The following PTPRM variants were observed in gnomAD, a reference collection of about 807,000 sequenced individuals.
The protein encoded by PTPRM is protein tyrosine phosphatase receptor type M.
PTPRM carries 47 observed loss-of-function variants against 186.7 expected under a neutral mutation model. The ratio of observed to expected loss-of-function variants is 0.25; its 90% CI spans 0.20 to 0.32. The LOEUF (loss-of-function observed/expected upper bound fraction) is 0.32. PTPRM is among the 10% of genes least tolerant of loss of function. PTPRM has a pLI of 1.00. For missense variants in PTPRM, 1,494 were observed against 1,865.0 expected, an observed-to-expected ratio of 0.80 and a Z score of 3.66; for synonymous variants, 668 against 674.9, an observed-to-expected ratio of 0.99 and a Z score of 0.16.
intron 1 of PTPRM, among the ~76,000 whole-genome samples, chr18:7,756,729 G>T (rs929460344): frequency 6.6e-6 from 1 of 152,154 alleles, no homozygotes; most frequent in Non-Finnish European, 1.5e-5. Flanking sequence ...GCCTCTTAGG[G>T]GTTGGGAAAC....
intron 14 of PTPRM, among the ~76,000 whole-genome samples, chr18:8,231,531 C>A (rs1211775239): frequency 6.6e-6 from 1 of 152,130 alleles, no homozygotes; most frequent in Non-Finnish European, 1.5e-5. Context: ...GTGATTCATA[C>A]CCATCATAAA....
chr18:7,634,867 A>T (rs889864889), intron 1 of PTPRM, among the ~76,000 whole-genome samples: 3 of 152,230 alleles, frequency 2.0e-5, no homozygotes. Flanking sequence ...AATTATTTAC[A>T]TGAACAAGAA....
intron 5 of PTPRM, among the ~76,000 whole-genome samples, chr18:7,928,405 C>T (rs777399986): frequency 6.6e-6 from 1 of 152,104 alleles, no homozygotes; most frequent in Admixed American, 6.6e-5. Context: ...AACCTACATC[C>T]CAATTGTTTT....
chr18:7,745,545 T>A (rs1255616329), intron 1 of PTPRM, among the ~76,000 whole-genome samples: 1 of 152,154 alleles, frequency 6.6e-6, no homozygotes, highest in Admixed American at 6.5e-5. Context: ...AAAGGCCACA[T>A]CTTAGGTGTT....
At chr18:8,400,450 C>T (rs2095866165) in intron 32 of PTPRM, among the ~76,000 whole-genome samples, 1 of 152,238 alleles carries the variant, frequency 6.6e-6, no homozygotes, top group South Asian at 2.1e-4. Context: ...TACCAGTGCA[C>T]AGGCCTGCCC....
chr18:8,332,229 A>C (rs2095415657), intron 22 of PTPRM, among the ~76,000 whole-genome samples: 2 of 152,234 alleles, frequency 1.3e-5, no homozygotes, highest in African/African-American at 4.8e-5. Flanking sequence ...TAAATGATTA[A>C]AAGAAAAGAT....
rs143759225 is a variant in PTPRM at position 8,391,403 on chromosome 18, C to A, written c.4209-3073C>A. On this transcript the variant is annotated intron_variant, in intron 31 of 32. Coordinates refer to ENST00000580170, the MANE Select transcript of PTPRM (RefSeq NM_001105244.2). ...TGGGTATTCATTCAGTGGAATTCTT[C>A]TTAGCAATATAAAACAATAAACTAC... Among the ~76,000 whole-genome samples, 524 of 152,328 alleles carry A rather than the reference C, an allele frequency of 3.4e-3. 4 individuals carry two copies. Among genetic ancestry groups the A allele is most frequent in the African/African-American group, 0.011 (476 of 41,578 alleles).
In PTPRM at chr18:8,044,829, A is replaced by C. The variant is rs1225971076; in HGVS notation, c.1133-24857A>C. ...GAGATACAACTTTATACCCACTAGG[A>C]TTTCTATAAAAAAATATGGAAAATA... is the stretch of plus-strand genomic sequence containing the variant. On this transcript the variant is annotated intron_variant, in intron 7 of 32. Transcript: ENST00000580170. Among the ~76,000 whole-genome samples, 3 of 152,096 alleles carry C rather than the reference A, an allele frequency of 2.0e-5. No homozygotes were observed. The South Asian group carries it at 6.2e-4, about 32-fold the overall frequency.
chr18:8,281,880 C>T (rs2094907584), intron 19 of PTPRM, among the ~76,000 whole-genome samples: 1 of 151,708 alleles, frequency 6.6e-6, no homozygotes, highest in African/African-American at 2.4e-5. Context: ...TTTTCAGGAC[C>T]CAAGGCTTGG....
At chr18:7,979,824 C>G (rs1229783325) in intron 7 of PTPRM, among the ~76,000 whole-genome samples, 1 of 152,182 alleles carries the variant, frequency 6.6e-6, no homozygotes, top group African/African-American at 2.4e-5. Context: ...ACAGGCTGCA[C>G]TGGCATTTCC....
intron 23 of PTPRM, among the ~76,000 whole-genome samples, chr18:8,352,652 G>GTTTTTTTTT (rs142090056): frequency 1.2e-4 from 12 of 102,232 alleles, no homozygotes; most frequent in East Asian, 5.0e-4. Context: ...TTTTTGGTTT[G>GTTTTTTTTT]GTTTTTTTTG....
rs1484487117 is a variant in PTPRM at position 7,774,259 on chromosome 18, T to G, written c.184T>G (p.Trp62Gly). Reference protein sequence around the residue: ...NTLTKPTSDPWMPSGSFMLVN... With the variant: ...NTLTKPTSDPGMPSGSFMLVN... ...CTTGACTAAACCGACTTCTGATCCA[T>G]GGATGCCATCAGGTTTGCTTTTAGT... Residue 62 changes from tryptophan (W) to glycine (G), a missense_variant, in exon 2 of 33, where the codon TGG becomes GGG. Trp to Gly is a radical substitution (Grantham distance 184). Transcript: ENST00000580170. 10 of 1,614,032 alleles carry G rather than the reference T, an allele frequency of 6.2e-6. No individual in the cohort carries two copies. The East Asian group carries it at 2.2e-4, about 36-fold the overall frequency.
At position 7,567,693 on chromosome 18, in the gene PTPRM, C is replaced by A; in HGVS notation, c.-126C>A. 2 of 846,460 alleles carry A rather than the reference C, an allele frequency of 2.4e-6. No individual in the cohort carries two copies. Among genetic ancestry groups the A allele is most frequent in the Non-Finnish European group, 3.4e-6 (2 of 593,058 alleles). The allele number at this position is 846,460 out of a possible 1,614,324, so 52.4% of individuals were successfully genotyped here. ...TCTGCAACTGTTGGCACTTTGGGGG[C>A]TTGGCTTAGCGCTCTGCTGTTTACC... On this transcript the variant is annotated 5_prime_UTR_variant, in exon 1 of 33. Transcript: ENST00000580170. This position sits in a 1 kb window ranked among gnomAD's most constrained non-coding sequence, Gnocchi z 4.3.
Position 7,927,154 on chromosome 18 carries a change from C to T in PTPRM, c.663+471C>T, listed in dbSNP as rs137942510. The stretch of plus-strand genomic sequence containing the variant: ...ACTTTTGAGCTTTTAAATTATATTT[C>T]TTTGGTGTAGTGATCAATTGTGTGA... On this transcript the variant is annotated intron_variant, in intron 5 of 32. Transcript: ENST00000580170. Among the ~76,000 whole-genome samples the T allele has an allele frequency of 4.8e-3, 735 of 152,062 alleles. 6 individuals carry two copies. Among genetic ancestry groups the T allele is most frequent in the African/African-American group, 0.017 (698 of 41,470 alleles).
intron 11 of PTPRM, among the ~76,000 whole-genome samples, chr18:8,106,843 C>T (rs534405128): frequency 1.8e-4 from 28 of 152,312 alleles, no homozygotes; most frequent in African/African-American, 6.0e-4. Flanking sequence ...CACCTGTGGA[C>T]GGTGATTCCC....
intron 7 of PTPRM, among the ~76,000 whole-genome samples, chr18:8,066,521 T>G (rs2089092543): frequency 6.6e-6 from 1 of 152,158 alleles, no homozygotes; most frequent in South Asian, 2.1e-4. Context: ...CCCTATCCTA[T>G]GTTGACGTGA....
chr18:8,046,049 C>T (rs112324265), intron 7 of PTPRM, among the ~76,000 whole-genome samples: 4,596 of 152,076 alleles, frequency 0.03, 214 homozygotes, highest in African/African-American at 0.11. Flanking sequence ...CGGTTTCCTC[C>T]ATGCTGTTCT....
At chr18:7,834,705 C>T (rs1011492039) in intron 2 of PTPRM, among the ~76,000 whole-genome samples, 4 of 151,512 alleles carry the variant, frequency 2.6e-5, no homozygotes, top group African/African-American at 9.7e-5. Flanking sequence ...TTTAAATGTT[C>T]GTTAGAATTC....
At chr18:8,398,993 T>C (rs1473248551) in intron 32 of PTPRM, among the ~76,000 whole-genome samples, 1 of 152,178 alleles carries the variant, frequency 6.6e-6, no homozygotes, top group African/African-American at 2.4e-5. Context: ...TCTGTAAATA[T>C]ACTGAAAACC....
Sources: gnomAD v4.1 joint callset for allele counts (sites outside exome capture counted in the v4.1 genomes callset) on GRCh38, gnomAD v4.1.1 for gene constraint, Gnocchi (gnomAD v3.1) non-coding constraint, MANE v1.5 for transcripts, NCBI Gene and HGNC (gene_info 2026-07-23, HGNC 2026-07-21) for gene names.